Variants in NCAM2 observed in about 807,000 individuals in gnomAD.
NCAM2 encodes the protein neural cell adhesion molecule 2, also known as N-CAM-2.
NCAM2 carries 30 observed loss-of-function variants against 98.1 expected under a neutral mutation model. That is an observed-to-expected ratio of 0.31 (90% CI 0.23 to 0.41). The LOEUF is 0.41. Among genes scored for constraint, NCAM2 ranks in the 10% least tolerant of loss-of-function variants. NCAM2 has a pLI of 1.00. For missense variants in NCAM2, 867 were observed against 1,005.8 expected (o/e 0.86, Z 1.87); for synonymous variants, 368 against 342.4 (o/e 1.07, Z -0.83).
At chr21:21,322,463 G>A (rs950826407) in intron 5 of NCAM2, among the ~76,000 whole-genome samples, 7 of 151,942 alleles carry the variant, frequency 4.6e-5, no homozygotes, top group South Asian at 2.1e-4. Context: ...AAAAGAAAAC[G>A]TAAAAAGAAG....
At chr21:21,163,476 A>AT (rs201577435) in intron 1 of NCAM2, among the ~76,000 whole-genome samples, 70 of 150,552 alleles carry the variant, frequency 4.6e-4, no homozygotes, top group African/African-American at 1.3e-3. Context: ...CGTTTGCTTT[A>AT]TTTTTTTTTG....
chr21:21,197,109 T>G (rs2146997440), intron 1 of NCAM2, among the ~76,000 whole-genome samples: 1 of 152,146 alleles, frequency 6.6e-6, no homozygotes, highest in African/African-American at 2.4e-5. Flanking sequence ...TAAACCTCGT[T>G]TTTTTGTTTG....
intron 5 of NCAM2, among the ~76,000 whole-genome samples, chr21:21,324,015 A>T (rs759385809): frequency 1.3e-5 from 2 of 152,170 alleles, no homozygotes; most frequent in Non-Finnish European, 2.9e-5. Flanking sequence ...CATAATTCCT[A>T]AAAGTATATA....
intron 10 of NCAM2, among the ~76,000 whole-genome samples, chr21:21,413,704 G>T (rs192114585): frequency 6.6e-6 from 1 of 152,262 alleles, no homozygotes; most frequent in East Asian, 1.9e-4. Flanking sequence ...AATTTTCTGG[G>T]AATAATTTGA....
intron 5 of NCAM2, among the ~76,000 whole-genome samples, chr21:21,309,543 T>A (rs917798070): frequency 6.6e-6 from 1 of 152,222 alleles, no homozygotes; most frequent in African/African-American, 2.4e-5. Context: ...TCCTTCCAAT[T>A]CTTTTGCACA....
intron 5 of NCAM2, among the ~76,000 whole-genome samples, chr21:21,298,207 G>C (rs919829067): frequency 6.6e-6 from 1 of 151,728 alleles, no homozygotes; most frequent in African/African-American, 2.4e-5. Context: ...TCTTTAAGTT[G>C]TATGCAGTGT....
intron 1 of NCAM2, among the ~76,000 whole-genome samples, chr21:21,154,256 A>T (rs535872101): frequency 6.6e-6 from 1 of 152,046 alleles, no homozygotes; most frequent in East Asian, 1.9e-4. Context: ...GGAAAGAAAC[A>T]TTGTTATGGA....
chr21:21,212,938 T>C (rs1286367191), intron 1 of NCAM2, among the ~76,000 whole-genome samples: 2 of 152,072 alleles, frequency 1.3e-5, no homozygotes, highest in Middle Eastern at 3.4e-3. Context: ...GAGATGGGGT[T>C]TCCATGTTAG....
chr21:21,167,598 G>GA (rs2067992780), intron 1 of NCAM2, among the ~76,000 whole-genome samples: 1 of 151,926 alleles, frequency 6.6e-6, no homozygotes, highest in Non-Finnish European at 1.5e-5. Flanking sequence ...TCAGAAAATA[G>GA]AAAAAAGAAA....
At chr21:21,450,801 C>CGT (rs1569076822) in intron 12 of NCAM2, among the ~76,000 whole-genome samples, 9 of 102,188 alleles carry the variant, frequency 8.8e-5, no homozygotes, top group African/African-American at 3.1e-4. Context: ...TATACACACA[C>CGT]ACACACACAC....
In NCAM2 at chr21:21,538,640, C is replaced by T. The variant is rs1990108588; in HGVS notation, c.*683C>T. The T allele has an allele frequency of 6.6e-6, 1 of 152,052 alleles. No individual in the cohort carries two copies. Among genetic ancestry groups the T allele is most frequent in the Admixed American group, 6.6e-5 (1 of 15,254 alleles). The allele number at this position is 152,052 out of a possible 1,614,324, so 9.4% of individuals were successfully genotyped here. Reference sequence around the variant, plus strand: ...TGTATATAAAATTAGATTAGAAAGACTTTCTAAATCTCTATCTCTTTATAT... The same window carrying T: ...TGTATATAAAATTAGATTAGAAAGATTTTCTAAATCTCTATCTCTTTATAT... On this transcript the variant is annotated 3_prime_UTR_variant, in exon 18 of 18. Transcript: ENST00000400546.
intron 7 of NCAM2, 119 bp from the exon 8 acceptor site, chr21:21,338,270 T>G (rs1468324996): frequency 1.1e-6 from 1 of 949,120 alleles, no homozygotes; most frequent in African/African-American, 1.7e-5. Flanking sequence ...CCACTGTAAT[T>G]CTACAAAGCT....
intron 5 of NCAM2, among the ~76,000 whole-genome samples, chr21:21,299,003 T>C (rs1430229858): frequency 6.6e-6 from 1 of 151,458 alleles, no homozygotes; most frequent in African/African-American, 2.4e-5. Context: ...AAGTGAATCC[T>C]ATCATTTGTG....
intron 5 of NCAM2, among the ~76,000 whole-genome samples, chr21:21,293,417 C>A (rs899452945): frequency 2.6e-5 from 4 of 151,566 alleles, no homozygotes; most frequent in African/African-American, 9.7e-5. Flanking sequence ...AAGACAAAAT[C>A]AAAACGACTT....
intron 1 of NCAM2, among the ~76,000 whole-genome samples, chr21:21,246,392 A>C (rs2071272987): frequency 6.6e-6 from 1 of 152,202 alleles, no homozygotes; most frequent in Admixed American, 6.5e-5. Flanking sequence ...TTGATAGCAG[A>C]AATAGATAAT....
intron 15 of NCAM2, among the ~76,000 whole-genome samples, chr21:21,503,621 A>T (rs1362487572): frequency 6.6e-6 from 1 of 151,950 alleles, no homozygotes; most frequent in African/African-American, 2.4e-5. Flanking sequence ...GCAAAACTGG[A>T]TGAGGAGGGA....
chr21:21,034,651 C>T (rs894402038), intron 1 of NCAM2, among the ~76,000 whole-genome samples: 2 of 152,098 alleles, frequency 1.3e-5, no homozygotes, highest in Non-Finnish European at 2.9e-5. Context: ...TTGAAAGAAA[C>T]TTAAGTTTTA....
chr21:21,125,593 T>C (rs1382383954), intron 1 of NCAM2, among the ~76,000 whole-genome samples: 1 of 91,290 alleles, frequency 1.1e-5, no homozygotes, highest in Non-Finnish European at 2.4e-5. Flanking sequence ...TATACATATT[T>C]ATTAAATATA....
At chr21:21,340,616 TAA>T (rs1347309978) in intron 8 of NCAM2, among the ~76,000 whole-genome samples, 1 of 152,006 alleles carries the variant, frequency 6.6e-6, no homozygotes, top group Non-Finnish European at 1.5e-5. Flanking sequence ...ATAAAGAAAT[TAA>T]GTCTATTGTA....
Sources: allele counts gnomAD v4.1 joint callset (sites outside exome capture counted in the v4.1 genomes callset), GRCh38; gene constraint gnomAD v4.1.1; transcripts MANE v1.5; gene names NCBI Gene and HGNC (gene_info 2026-07-23, HGNC 2026-07-21).